The following TACC2 variants were observed in gnomAD, a reference collection of about 807,000 sequenced individuals.
The protein encoded by TACC2 is transforming acidic coiled-coil containing protein 2.
TACC2 carries 137 observed loss-of-function variants against 227.3 expected under a neutral mutation model. The observed-to-expected ratio is 0.60, with a 90% CI of 0.52 to 0.69. The LOEUF is 0.69. Ranked by LOEUF, TACC2 falls within the 30% of genes least tolerant of loss-of-function variation. TACC2 has a pLI of 0.00. For missense variants in TACC2, 3,470 were observed against 3,694.4 expected (o/e 0.94, Z 1.57); for synonymous variants, 1,523 against 1,487.5 (o/e 1.02, Z -0.55).
At chr10:122,004,363 A>C (rs949369264) in intron 1 of TACC2, among the ~76,000 whole-genome samples, 4 of 150,046 alleles carry the variant, frequency 2.7e-5, no homozygotes, top group Admixed American at 1.3e-4. Flanking sequence ...GTGCTACTGC[A>C]CTCTAGCCTG....
Position 122,205,374 on chromosome 10 carries a change from T to C in TACC2, c.5972-5023T>C, listed in dbSNP as rs1180596635. On this transcript the variant is annotated intron_variant, in intron 8 of 22. Transcript: ENST00000369005. This position sits in a 1 kb window ranked among gnomAD's most constrained non-coding sequence, Gnocchi z 4.5. ...TGGGTTTGGTTTCTTGAGCTGTCTGTTTTGGACCACATCAGAGGAGGGTGG... is the reference window on the plus strand; with the variant it reads ...TGGGTTTGGTTTCTTGAGCTGTCTGCTTTGGACCACATCAGAGGAGGGTGG... Among the ~76,000 whole-genome samples the C allele has an allele frequency of 6.6e-6, 1 of 152,280 alleles. No individual in the cohort carries two copies. Among genetic ancestry groups the C allele is most frequent in the East Asian group, 1.9e-4 (1 of 5,174 alleles).
chr10:122,155,829 G>GA (rs1453326439), intron 7 of TACC2, among the ~76,000 whole-genome samples: 1 of 134,840 alleles, frequency 7.4e-6, no homozygotes, highest in African/African-American at 2.7e-5. Flanking sequence ...TTAATAGTGG[G>GA]AAAATTTTTT....
At chr10:122,057,469 C>T (rs1005001317) in intron 3 of TACC2, among the ~76,000 whole-genome samples, 6 of 152,034 alleles carry the variant, frequency 3.9e-5, no homozygotes, top group Admixed American at 2.0e-4. Context: ...TCCAGCTGAA[C>T]AGACTCCCTC....
At chr10:122,230,271 G>C in intron 15 of TACC2, 80 bp from the exon 16 acceptor site, 1 of 1,250,104 alleles carries the variant, frequency 8.0e-7, no homozygotes, top group South Asian at 1.2e-5. Flanking sequence ...TTCGTGGCAC[G>C]TTCATTTCTC....
Position 122,084,970 on chromosome 10 carries a change from C to G in TACC2, c.2470C>G (p.Leu824Val). 6.2e-7 allele frequency: 1 copy of G among 1,614,174 alleles called. No homozygotes were observed. Reference protein sequence around the residue: ...IRGAASEWPLLSSEKHLQPSQ... With the variant: ...IRGAASEWPLVSSEKHLQPSQ... Reference sequence around the variant, plus strand: ...AGGAGCTGCATCCGAGTGGCCCCTACTATCTTCTGAGAAGCATCTCCAGCC... The same window carrying G: ...AGGAGCTGCATCCGAGTGGCCCCTAGTATCTTCTGAGAAGCATCTCCAGCC... The change falls in exon 4 of 23, where the codon CTA becomes GTA. Residue 824 changes from leucine to valine, a missense_variant. Coordinates refer to ENST00000369005, the MANE Select transcript of TACC2 (RefSeq NM_206862.4).
chr10:122,227,699 T>C, intron 13 of TACC2, 138 bp from the exon 14 acceptor site: 1 of 921,214 alleles, frequency 1.1e-6, no homozygotes, highest in Non-Finnish European at 1.7e-6. Flanking sequence ...AGAGGCTGCA[T>C]GGCCACTGGA....
At chr10:122,054,257 C>T (rs577765564) in intron 3 of TACC2, among the ~76,000 whole-genome samples, 72 of 152,320 alleles carry the variant, frequency 4.7e-4, no homozygotes, top group African/African-American at 1.7e-3. Flanking sequence ...GTAGTTCAAC[C>T]ATCCAGAGTC....
chr10:122,129,159 C>T (rs2087532075), intron 5 of TACC2, among the ~76,000 whole-genome samples: 1 of 151,334 alleles, frequency 6.6e-6, no homozygotes, highest in South Asian at 2.1e-4. Context: ...CTGCTCACTG[C>T]AATCTCCAAC....
chr10:122,080,211 C>CTTTTTTTT (rs111618289), intron 3 of TACC2, among the ~76,000 whole-genome samples: 1 of 113,192 alleles, frequency 8.8e-6, no homozygotes, highest in African/African-American at 4.0e-5. Flanking sequence ...TCTTCCTTTC[C>CTTTTTTTT]TTTTTTTTTT....
At position 122,071,622 on chromosome 10, in the gene TACC2, C is replaced by T. The variant is rs138451192; in HGVS notation, c.147-11025C>T. ...GGCACAGTGGCTCACTCCTGTAATCCCAGCACTTTGGGAGGCCGAGGCAGG... is the reference window on the plus strand; with the variant it reads ...GGCACAGTGGCTCACTCCTGTAATCTCAGCACTTTGGGAGGCCGAGGCAGG... On this transcript the variant is annotated intron_variant, in intron 3 of 22. Coordinates refer to ENST00000369005, the MANE Select transcript of TACC2 (RefSeq NM_206862.4). 2.3e-4 allele frequency among the ~76,000 whole-genome samples: 35 copies of T among 151,214 alleles called. 3 individuals are homozygous for T. The East Asian group carries it at 6.8e-3, about 30-fold the overall frequency.
Position 122,037,759 on chromosome 10 carries a change from C to T in TACC2, c.34-12679C>T, listed in dbSNP as rs185743563. 5.9e-5 allele frequency among the ~76,000 whole-genome samples: 9 copies of T among 152,278 alleles called. No homozygotes were observed. The South Asian group carries it at 6.2e-4, about 11-fold the overall frequency. The stretch of plus-strand genomic sequence containing the variant: ...ATTCTTTGCACCTCAACAGTCACGG[C>T]GCCTGAGTCTTTCTCTTGTACACAA... On this transcript the variant is annotated intron_variant, in intron 2 of 22. Coordinates refer to ENST00000369005, the MANE Select transcript of TACC2 (RefSeq NM_206862.4).
intron 3 of TACC2, among the ~76,000 whole-genome samples, chr10:122,055,823 T>G (rs1433893652): frequency 6.6e-6 from 1 of 152,258 alleles, no homozygotes; most frequent in Non-Finnish European, 1.5e-5. Flanking sequence ...TCTGGACTTG[T>G]GCGTATGCGG....
At chr10:122,107,386 C>T (rs375157421) in intron 5 of TACC2, among the ~76,000 whole-genome samples, 1 of 151,894 alleles carries the variant, frequency 6.6e-6, no homozygotes, top group African/African-American at 2.4e-5. Context: ...GTCAGGAGTT[C>T]GAGACCAGCC....
chr10:122,075,901 G>T (rs1015264437), intron 3 of TACC2, among the ~76,000 whole-genome samples: 1 of 152,194 alleles, frequency 6.6e-6, no homozygotes, highest in Non-Finnish European at 1.5e-5. Flanking sequence ...CTGGATTCAA[G>T]CAATCCTCCT....
intron 3 of TACC2, chr10:122,051,594 A>C (rs1382823943): frequency 1.3e-5 from 2 of 152,118 alleles, no homozygotes; most frequent in Non-Finnish European, 2.9e-5. Flanking sequence ...ACCCTGCAAA[A>C]TTGGAGCCCA....
intron 1 of TACC2, among the ~76,000 whole-genome samples, chr10:121,992,239 C>T (rs1953057172): frequency 6.6e-6 from 1 of 152,126 alleles, no homozygotes; most frequent in African/African-American, 2.4e-5. Flanking sequence ...CAGAACAGCC[C>T]ACCCTGATAT....
At chr10:122,096,535 A>C (rs761726109) in intron 5 of TACC2, among the ~76,000 whole-genome samples, 1 of 152,116 alleles carries the variant, frequency 6.6e-6, no homozygotes, top group Non-Finnish European at 1.5e-5. Flanking sequence ...TGTCTCTACT[A>C]AAAATACAAA....
At chr10:122,156,526 C>CAG (rs1319478386) in intron 7 of TACC2, among the ~76,000 whole-genome samples, 2 of 152,194 alleles carry the variant, frequency 1.3e-5, no homozygotes, top group Non-Finnish European at 2.9e-5. Flanking sequence ...GCCTGGCCAA[C>CAG]AGGGTCACTC....
At chr10:122,104,591 G>A (rs1190441497) in intron 5 of TACC2, among the ~76,000 whole-genome samples, 3 of 152,036 alleles carry the variant, frequency 2.0e-5, no homozygotes, top group Non-Finnish European at 4.4e-5. Flanking sequence ...AGCTGGGCTC[G>A]AACTCCTGAC....
Sources: gnomAD v4.1 joint callset for allele counts (sites outside exome capture counted in the v4.1 genomes callset) on GRCh38, gnomAD v4.1.1 for gene constraint, Gnocchi (gnomAD v3.1) non-coding constraint, MANE v1.5 for transcripts, NCBI Gene and HGNC (gene_info 2026-07-23, HGNC 2026-07-21) for gene names.